Variants in PRKX observed in about 807,000 individuals in gnomAD.
The protein encoded by PRKX is protein kinase cAMP-dependent X-linked catalytic subunit, also known as cAMP-dependent protein kinase catalytic subunit PRKX.
Under a neutral mutation model 22.0 loss-of-function variants are expected in PRKX, and 12 were observed. That is an observed-to-expected ratio of 0.54 (90% CI 0.35 to 0.88). The LOEUF is 0.88. Ranked by LOEUF, PRKX falls within the 40% of genes least tolerant of loss-of-function variation. The pLI, the probability that PRKX is intolerant of heterozygous loss-of-function variation, is 0.01. For missense variants in PRKX, 217 were observed against 308.0 expected (o/e 0.70, Z 2.21); for synonymous variants, 134 against 137.7 (o/e 0.97, Z 0.19).
intron 1 of PRKX, among the ~76,000 whole-genome samples, chrX:3,710,521 G>A (rs906304499): frequency 4.5e-5 from 5 of 111,289 alleles, no homozygotes; most frequent in Admixed American, 9.6e-5. Flanking sequence ...ACAGGCGCCC[G>A]CCACCACGCC....
At position 3,641,926 on chromosome X, in the gene PRKX, G is replaced by A. The variant is rs1441914870; in HGVS notation, c.645C>T (p.Val215=). Residue 215 remains valine, a synonymous_variant, in exon 4 of 9, where the codon GTC becomes GTT. Transcript: ENST00000262848. The stretch of plus-strand genomic sequence containing the variant: ...CCCTTCCGTGGCCCTTGCTCTGAAT[G>A]ACTTCGGGGGCTAGGTACTCGGGTG... ...CGTPEYLAPE[V]IQSKGHGRAV... is the part of the protein sequence containing the mutation. 1 of 721,746 alleles carries A rather than the reference G, an allele frequency of 1.4e-6. No individual in the cohort carries two copies. The allele number at this position is 721,746 out of a possible 1,213,427, so 59.5% of individuals were successfully genotyped here.
intron 8 of PRKX, among the ~76,000 whole-genome samples, chrX:3,609,443 G>A (rs1045981869): frequency 9.0e-6 from 1 of 111,434 alleles, no homozygotes; most frequent in African/African-American, 3.3e-5. Context: ...TTACAGGCAT[G>A]AGCCACCTCG....
intron 4 of PRKX, among the ~76,000 whole-genome samples, chrX:3,630,541 C>T (rs1343605145): frequency 9.0e-6 from 1 of 111,704 alleles, no homozygotes; most frequent in Non-Finnish European, 1.9e-5. Context: ...GCCTGGGCGA[C>T]AGAGCAAGAC....
At chrX:3,699,182 G>A (rs951257752) in intron 1 of PRKX, among the ~76,000 whole-genome samples, 4 of 106,227 alleles carry the variant, frequency 3.8e-5, no homozygotes, top group Admixed American at 1.0e-4. Context: ...GACTACAGGC[G>A]TGCACCACTA....
In PRKX at chrX:3,663,456, A is replaced by ACG. The variant is rs1168728128; in HGVS notation, c.336-8045_336-8044insCG. Among the ~76,000 whole-genome samples the ACG allele has an allele frequency of 8.2e-4, 65 of 79,694 alleles. 1 individual carries two copies. The highest frequency in any genetic ancestry group is 2.9e-3 in the African/African-American group (64 of 21,741). The allele number at this position is 79,694 out of a possible 115,157, so 69.2% of individuals were successfully genotyped here. On this transcript the variant is annotated intron_variant, in intron 2 of 8. Transcript: ENST00000262848. ...CACACACACACACACACACACACAC[A>ACG]CACACACACACAAAAAAATTCAATT...
intron 6 of PRKX, among the ~76,000 whole-genome samples, chrX:3,617,105 CAT>C (rs1356862442): frequency 2.8e-5 from 3 of 108,148 alleles, no homozygotes; most frequent in Non-Finnish European, 3.8e-5. Context: ...TACTTATACA[CAT>C]ATACACGTTA....
At chrX:3,676,725 G>A (rs752085724) in intron 1 of PRKX, among the ~76,000 whole-genome samples, 19 of 111,888 alleles carry the variant, frequency 1.7e-4, no homozygotes, top group South Asian at 1.5e-3. Flanking sequence ...GTCTAATCTT[G>A]AAGTGTGGCT....
chrX:3,673,793 A>G (rs1015970265), intron 2 of PRKX, among the ~76,000 whole-genome samples: 5 of 111,019 alleles, frequency 4.5e-5, no homozygotes, highest in African/African-American at 1.6e-4. Flanking sequence ...CTCACCCCCA[A>G]GGTGATGGTG....
chrX:3,633,082 C>A (rs1342784513), intron 4 of PRKX, among the ~76,000 whole-genome samples: 1 of 109,832 alleles, frequency 9.1e-6, no homozygotes, highest in Non-Finnish European at 1.9e-5. Flanking sequence ...TCTGGACGTG[C>A]TGGTGTGTGC....
At chrX:3,657,891 TAC>T (rs111247807) in intron 2 of PRKX, among the ~76,000 whole-genome samples, 139 of 112,015 alleles carry the variant, frequency 1.2e-3, no homozygotes, top group African/African-American at 4.2e-3. Context: ...AAGTTACAAA[TAC>T]AGTTTGGAGA....
At chrX:3,618,330 A>G (rs1926479933) in intron 6 of PRKX, among the ~76,000 whole-genome samples, 2 of 111,491 alleles carry the variant, frequency 1.8e-5, no homozygotes, top group Non-Finnish European at 3.8e-5. Context: ...CTGGAAGAGT[A>G]GATCTTGCTG....
At chrX:3,668,723 T>C (rs1927786693) in intron 2 of PRKX, among the ~76,000 whole-genome samples, 1 of 111,899 alleles carries the variant, frequency 8.9e-6, no homozygotes, top group African/African-American at 3.2e-5. Context: ...CTGGCTTGGC[T>C]CGGCTGCTGT....
In PRKX at chrX:3,694,805, G is replaced by A. The variant is rs965536477; in HGVS notation, c.166+18283C>T. ...CAGAAGAGGAGACACAGGCACAGAT[G>A]AGAAGGCCACGTGGAGACAGAGGCA... On this transcript the variant is annotated intron_variant, in intron 1 of 8. Coordinates refer to ENST00000262848, the MANE Select transcript of PRKX (RefSeq NM_005044.5). 1.2e-3 allele frequency among the ~76,000 whole-genome samples: 130 copies of A among 109,446 alleles called. 1 individual carries two copies. The highest frequency in any genetic ancestry group is 4.1e-3 in the African/African-American group (123 of 30,096).
intron 1 of PRKX, among the ~76,000 whole-genome samples, chrX:3,705,551 C>T (rs1406283968): frequency 8.9e-6 from 1 of 111,855 alleles, no homozygotes; most frequent in African/African-American, 3.3e-5. Context: ...CACCTTCTCA[C>T]ACTGGGCTTA....
chrX:3,706,646 G>C (rs2111384), intron 1 of PRKX, among the ~76,000 whole-genome samples: 44,734 of 110,934 alleles, frequency 0.4, 6,647 homozygotes, highest in Admixed American at 0.55. Context: ...CCTGGTGGGG[G>C]GTGTCTGCTG....
At chrX:3,700,957 C>G (rs2146611470) in intron 1 of PRKX, among the ~76,000 whole-genome samples, 1 of 112,072 alleles carries the variant, frequency 8.9e-6, no homozygotes, top group East Asian at 2.8e-4. Context: ...AAATACTAAA[C>G]TGTTTAAGGA....
chrX:3,667,887 C>A, intron 2 of PRKX: 1 of 110,797 alleles, frequency 9.0e-6, no homozygotes, highest in East Asian at 2.8e-4. Context: ...CACCACCCAC[C>A]CCTTTCAGCC....
At chrX:3,688,288 A>AAAAAAATTTTT (rs1928221376) in intron 1 of PRKX, among the ~76,000 whole-genome samples, 1 of 102,511 alleles carries the variant, frequency 9.8e-6, no homozygotes, top group African/African-American at 3.5e-5. Context: ...TCTACTAAAA[A>AAAAAAATTTTT]TACAACGATT....
rs190242143 is a variant in PRKX at position 3,628,281 on chromosome X, A to G, written c.720-1767T>C. On this transcript the variant is annotated intron_variant, in intron 4 of 8. Coordinates refer to ENST00000262848, the MANE Select transcript of PRKX (RefSeq NM_005044.5). ...AGTGAGAGATAGGGAGAGGTTTGTTAAAGGATACAAAATTACAAGCAGATA... is the reference window on the plus strand; with the variant it reads ...AGTGAGAGATAGGGAGAGGTTTGTTGAAGGATACAAAATTACAAGCAGATA... 3.9e-3 allele frequency among the ~76,000 whole-genome samples: 429 copies of G among 111,047 alleles called. 1 individual carries two copies. The highest frequency in any genetic ancestry group is 0.014 in the African/African-American group (418 of 30,668).
Sources: gnomAD v4.1 joint callset for allele counts (sites outside exome capture counted in the v4.1 genomes callset) on GRCh38, gnomAD v4.1.1 for gene constraint, MANE v1.5 for transcripts, NCBI Gene and HGNC (gene_info 2026-07-23, HGNC 2026-07-21) for gene names.